The following ADCY2 variants were observed in gnomAD, a reference collection of about 807,000 sequenced individuals.
The protein encoded by ADCY2 is adenylate cyclase type 2.
Under a neutral mutation model 125.2 loss-of-function variants are expected in ADCY2, and 31 were observed. That is an observed-to-expected ratio of 0.25 (90% CI 0.19 to 0.33). The LOEUF (loss-of-function observed/expected upper bound fraction) is 0.33, where lower values mean the gene tolerates loss of function less well. Among genes scored for constraint, ADCY2 ranks in the 10% least tolerant of loss-of-function variants. The pLI, the probability that ADCY2 is intolerant of heterozygous loss-of-function variation, is 1.00. For missense variants in ADCY2, 904 were observed against 1,418.2 expected (o/e 0.64, Z 5.82); for synonymous variants, 512 against 548.4 (o/e 0.93, Z 0.93).
chr5:7,775,720 A>G lies in ADCY2; in HGVS notation c.2384+2619A>G, dbSNP rs1047552070. ...TTATTTTTAAATGTACAATTAAGTTATTATTGATTATAGTTGCCTTGTGCT... is the reference window on the plus strand; with the variant it reads ...TTATTTTTAAATGTACAATTAAGTTGTTATTGATTATAGTTGCCTTGTGCT... On this transcript the variant is annotated intron_variant, in intron 18 of 24. Coordinates refer to ENST00000338316, the MANE Select transcript of ADCY2 (RefSeq NM_020546.3). Among the ~76,000 whole-genome samples, 3 of 152,190 alleles carry G rather than the reference A, an allele frequency of 2.0e-5. No individual in the cohort carries two copies. In the South Asian group the frequency reaches 6.2e-4, roughly 31 times the overall value.
chr5:7,808,407 G>C (rs964694891), intron 22 of ADCY2, among the ~76,000 whole-genome samples: 2 of 152,120 alleles, frequency 1.3e-5, no homozygotes, highest in Non-Finnish European at 2.9e-5. Flanking sequence ...CCTTCACTCT[G>C]TTTTACAAAC....
At chr5:7,617,331 A>C (rs1737799700) in intron 3 of ADCY2, among the ~76,000 whole-genome samples, 1 of 152,226 alleles carries the variant, frequency 6.6e-6, no homozygotes. Context: ...GCCAAGTCAC[A>C]GCAAGAAGGC....
At chr5:7,779,587 C>A (rs1743851077) in intron 18 of ADCY2, among the ~76,000 whole-genome samples, 1 of 151,548 alleles carries the variant, frequency 6.6e-6, no homozygotes, top group Non-Finnish European at 1.5e-5. Context: ...CCCCCCCCAA[C>A]ACACACTTTT....
intron 24 of ADCY2, among the ~76,000 whole-genome samples, chr5:7,825,049 T>C (rs1745423387): frequency 6.6e-6 from 1 of 151,936 alleles, no homozygotes; most frequent in African/African-American, 2.4e-5. Flanking sequence ...GCCATAACAC[T>C]GCTATGTGCC....
chr5:7,547,674 G>A (rs1288991772), intron 3 of ADCY2, among the ~76,000 whole-genome samples: 1 of 152,242 alleles, frequency 6.6e-6, no homozygotes, highest in Non-Finnish European at 1.5e-5. Context: ...ATCTTTACCT[G>A]TGCCTCTCTC....
intron 24 of ADCY2, among the ~76,000 whole-genome samples, chr5:7,822,575 G>T (rs974430900): frequency 6.6e-6 from 1 of 152,228 alleles, no homozygotes; most frequent in East Asian, 1.9e-4. Flanking sequence ...CTAGAAATTA[G>T]TGAAATTCAA....
At chr5:7,735,736 G>A (rs998116762) in intron 14 of ADCY2, among the ~76,000 whole-genome samples, 1 of 152,058 alleles carries the variant, frequency 6.6e-6, no homozygotes, top group African/African-American at 2.4e-5. Context: ...CTAATATTTT[G>A]TTAAGGATTT....
At chr5:7,780,970 G>A (rs771899603) in intron 18 of ADCY2, among the ~76,000 whole-genome samples, 5 of 152,196 alleles carry the variant, frequency 3.3e-5, no homozygotes, top group African/African-American at 4.8e-5. Context: ...TGTGCGGCAC[G>A]GGAGCATCTG....
intron 2 of ADCY2, among the ~76,000 whole-genome samples, chr5:7,515,918 G>A (rs531875982): frequency 6.6e-6 from 1 of 152,344 alleles, no homozygotes; most frequent in East Asian, 1.9e-4. Flanking sequence ...ACTAGAGGGT[G>A]TGGGTGGAGG....
Position 7,709,810 on chromosome 5 carries a change from T to A in ADCY2, c.1578+423T>A, listed in dbSNP as rs550612453. Among the ~76,000 whole-genome samples the A allele has an allele frequency of 1.3e-5, 2 of 152,298 alleles. No homozygotes were observed. The highest frequency in any genetic ancestry group is 4.8e-5 in the African/African-American group (2 of 41,556). On this transcript the variant is annotated intron_variant, in intron 10 of 24. Coordinates refer to ENST00000338316, the MANE Select transcript of ADCY2 (RefSeq NM_020546.3). The surrounding 1 kb of genome is among the most constrained non-coding windows in gnomAD (Gnocchi z 4.4). ...CTTCATTGCCCAAATGTCCAGGCTG[T>A]GTGGGCAGCAGTGGATACTATCTTG...
chr5:7,826,083 G>A (rs1308072232), intron 24 of ADCY2, among the ~76,000 whole-genome samples: 3 of 152,324 alleles, frequency 2.0e-5, no homozygotes, highest in Non-Finnish European at 4.4e-5. Context: ...ACTTGACTGG[G>A]AGCATCATGC....
At chr5:7,650,723 T>C (rs939240552) in intron 4 of ADCY2, among the ~76,000 whole-genome samples, 9 of 152,204 alleles carry the variant, frequency 5.9e-5, no homozygotes, top group Non-Finnish European at 1.3e-4. Flanking sequence ...TGATTTTCTC[T>C]TAAAAATTTC....
intron 5 of ADCY2, among the ~76,000 whole-genome samples, chr5:7,692,798 A>G (rs1471268100): frequency 6.6e-6 from 1 of 151,920 alleles, no homozygotes; most frequent in Non-Finnish European, 1.5e-5. Flanking sequence ...TTTTCCATAA[A>G]TCAAGTCTCT....
At chr5:7,447,344 C>G (rs1181258606) in intron 2 of ADCY2, among the ~76,000 whole-genome samples, 1 of 152,196 alleles carries the variant, frequency 6.6e-6, no homozygotes, top group Admixed American at 6.5e-5. Flanking sequence ...TCCTGCCCCT[C>G]AGAGGAAAGG....
intron 14 of ADCY2, among the ~76,000 whole-genome samples, chr5:7,736,073 G>T (rs1252844531): frequency 6.6e-6 from 1 of 152,070 alleles, no homozygotes; most frequent in African/African-American, 2.4e-5. Context: ...ACAAAAATTG[G>T]CCATACATGG....
intron 2 of ADCY2, among the ~76,000 whole-genome samples, chr5:7,476,093 G>T (rs1742515454): frequency 6.6e-6 from 1 of 152,106 alleles, no homozygotes; most frequent in South Asian, 2.1e-4. Flanking sequence ...GACACTTCTG[G>T]TATCACTGTA....
chr5:7,601,357 C>T (rs1047359284), intron 3 of ADCY2, among the ~76,000 whole-genome samples: 4 of 152,178 alleles, frequency 2.6e-5, no homozygotes, highest in Non-Finnish European at 4.4e-5. Context: ...GAACAGCCAA[C>T]TCCATCACAC....
At chr5:7,539,767 C>T (rs1343769197) in intron 3 of ADCY2, among the ~76,000 whole-genome samples, 1 of 152,200 alleles carries the variant, frequency 6.6e-6, no homozygotes, top group Admixed American at 6.5e-5. Context: ...CAGCTAAGGA[C>T]AGCACGTCAG....
chr5:7,679,661 A>G (rs1740263216), intron 4 of ADCY2, among the ~76,000 whole-genome samples: 1 of 152,210 alleles, frequency 6.6e-6, no homozygotes, highest in South Asian at 2.1e-4. Flanking sequence ...GTCAGGTATG[A>G]AAGCAGGTTT....
Sources: allele counts gnomAD v4.1 joint callset (sites outside exome capture counted in the v4.1 genomes callset), GRCh38; gene constraint gnomAD v4.1.1; non-coding constraint Gnocchi (gnomAD v3.1); transcripts MANE v1.5; gene names NCBI Gene and HGNC (gene_info 2026-07-23, HGNC 2026-07-21).